Variants in DCAF6 observed in about 807,000 individuals in gnomAD.
DCAF6 encodes DDB1 and CUL4 associated factor 6, also known as DDB1- and CUL4-associated factor 6.
In DCAF6, 54 loss-of-function variants were observed where a neutral mutation model predicts 125.1. The ratio of observed to expected loss-of-function variants is 0.43; its 90% CI spans 0.35 to 0.54. DCAF6 has a LOEUF of 0.54. DCAF6 is among the 20% of genes least tolerant of loss of function. DCAF6 has a pLI of 0.01. For synonymous variants in DCAF6, 371 were observed against 390.4 expected, an observed-to-expected ratio of 0.95 and a Z score of 0.58; for missense variants, 934 against 1,161.7, an observed-to-expected ratio of 0.80 and a Z score of 2.85.
chr1:167,959,035 A>G (rs1557892457), intron 2 of DCAF6, among the ~76,000 whole-genome samples: 1 of 152,160 alleles, frequency 6.6e-6, no homozygotes, highest in Non-Finnish European at 1.5e-5. Context: ...TGCTCTGCCT[A>G]TTTATCACCC....
chr1:167,905,738 A>ATGTGTG, the DCAF6 span, among the ~76,000 whole-genome samples: 4 of 148,770 alleles, frequency 2.7e-5, no homozygotes, highest in South Asian at 2.1e-4. Context: ...GAGTTCAGAA[A>ATGTGTG]TGTGTGTGTG....
the DCAF6 span, among the ~76,000 whole-genome samples, chr1:167,914,585 C>T: frequency 5.3e-5 from 8 of 152,126 alleles, no homozygotes; most frequent in African/African-American, 9.7e-5. Flanking sequence ...GTCAAGTGCA[C>T]GCTTTTAATC....
At chr1:167,900,170 T>C in the DCAF6 span, among the ~76,000 whole-genome samples, 8 of 152,242 alleles carry the variant, frequency 5.3e-5, no homozygotes. Context: ...TTGTATAATA[T>C]GACATGTACA....
chr1:167,960,659 G>A (rs180804607), intron 2 of DCAF6, among the ~76,000 whole-genome samples: 200 of 152,184 alleles, frequency 1.3e-3, no homozygotes, highest in African/African-American at 4.8e-3. Context: ...ACTGATTTTA[G>A]TTTAATTCCA....
At chr1:168,063,116 C>A (rs1691820346) in intron 17 of DCAF6, among the ~76,000 whole-genome samples, 1 of 151,730 alleles carries the variant, frequency 6.6e-6, no homozygotes, top group South Asian at 2.1e-4. Context: ...TTTCATTATT[C>A]TTTTTACCTA....
intron 12 of DCAF6, among the ~76,000 whole-genome samples, chr1:168,031,365 C>T (rs1233796077): frequency 2.6e-5 from 4 of 152,082 alleles, no homozygotes; most frequent in Non-Finnish European, 4.4e-5. Context: ...TTTTCAAATA[C>T]GAGAGTGTTG....
intron 18 of DCAF6, among the ~76,000 whole-genome samples, chr1:168,064,163 G>A (rs1484376135): frequency 6.2e-5 from 9 of 145,324 alleles, no homozygotes; most frequent in Non-Finnish European, 1.5e-5. Flanking sequence ...AATCTAAGTT[G>A]ATTGCAAAAA....
At chr1:167,918,333 G>A in the DCAF6 span, 2 of 1,567,334 alleles carry the variant, frequency 1.3e-6, no homozygotes, top group African/African-American at 2.7e-5. Flanking sequence ...TTATTTGTGT[G>A]CTTTAGCTTT....
intron 16 of DCAF6, among the ~76,000 whole-genome samples, chr1:168,048,336 A>C (rs1689396823): frequency 6.6e-6 from 1 of 152,208 alleles, no homozygotes; most frequent in Admixed American, 6.5e-5. Flanking sequence ...ACAAGTGTAT[A>C]CTTAATTTGA....
intron 3 of DCAF6, among the ~76,000 whole-genome samples, chr1:167,970,641 TATC>T (rs1008800600): frequency 6.6e-6 from 1 of 152,160 alleles, no homozygotes; most frequent in Non-Finnish European, 1.5e-5. Context: ...AAAAAATTAT[TATC>T]ATAAGCCTTT....
chr1:167,949,228 A>G (rs1673552899), intron 1 of DCAF6, among the ~76,000 whole-genome samples: 1 of 152,212 alleles, frequency 6.6e-6, no homozygotes, highest in Non-Finnish European at 1.5e-5. Flanking sequence ...AAGTTCATCC[A>G]TAACAAGTGT....
intron 4 of DCAF6, among the ~76,000 whole-genome samples, chr1:167,978,080 G>C (rs1323548937): frequency 1.3e-5 from 2 of 152,078 alleles, no homozygotes; most frequent in Non-Finnish European, 2.9e-5. Flanking sequence ...CATGTTGTGT[G>C]TAACTATAAT....
intron 20 of DCAF6, among the ~76,000 whole-genome samples, chr1:168,067,800 T>A (rs1163365502): frequency 6.6e-6 from 1 of 152,208 alleles, no homozygotes. Flanking sequence ...TTCCACTTTT[T>A]TCCTTTGCTC....
chr1:167,965,835 A>G lies in DCAF6; in HGVS notation c.160-794A>G, dbSNP rs539634703. ...TTTTTAGTAGAGACGGGGTTTCGCC[A>G]TATTGGTCAGGCTGGTCTCGAACCT... On this transcript the variant is annotated intron_variant, in intron 2 of 21. Transcript: ENST00000367840. 6.6e-5 allele frequency among the ~76,000 whole-genome samples: 10 copies of G among 152,188 alleles called. No homozygotes were observed. The East Asian group carries it at 1.5e-3, about 24-fold the overall frequency.
chr1:168,009,319 CTTCTCTTCTT>C (rs950838213), intron 10 of DCAF6, among the ~76,000 whole-genome samples: 3 of 151,336 alleles, frequency 2.0e-5, no homozygotes, highest in Non-Finnish European at 4.4e-5. Flanking sequence ...TTTCTCTTCT[CTTCTCTTCTT>C]CTTTCCTTCC....
chr1:167,953,611 TA>T (rs774541413), intron 2 of DCAF6, among the ~76,000 whole-genome samples: 121 of 152,304 alleles, frequency 7.9e-4, no homozygotes, highest in Non-Finnish European at 1.6e-3. Flanking sequence ...TTATTATTAT[TA>T]TTCTTTGATA....
chr1:168,011,833 C>T (rs188523300), intron 10 of DCAF6, among the ~76,000 whole-genome samples: 74 of 152,086 alleles, frequency 4.9e-4, no homozygotes, highest in Middle Eastern at 3.4e-3. Context: ...ATTTGTTGTG[C>T]GTGGTGGCAT....
At chr1:167,865,462 G>A in the DCAF6 span, among the ~76,000 whole-genome samples, 1 of 152,110 alleles carries the variant, frequency 6.6e-6, no homozygotes, top group African/African-American at 2.4e-5. Flanking sequence ...TTACCTTATG[G>A]TCAAACATGA....
intron 12 of DCAF6, among the ~76,000 whole-genome samples, chr1:168,029,141 TCTA>T (rs1411555339): frequency 6.6e-5 from 10 of 152,202 alleles, no homozygotes; most frequent in South Asian, 2.1e-4. Flanking sequence ...GCTCGTGTGT[TCTA>T]CTCTTCTGCT....
Sources: gnomAD v4.1 joint callset for allele counts (sites outside exome capture counted in the v4.1 genomes callset) on GRCh38, gnomAD v4.1.1 for gene constraint, MANE v1.5 for transcripts, NCBI Gene and HGNC (gene_info 2026-07-23, HGNC 2026-07-21) for gene names.